Variants in PXDNL observed in about 807,000 individuals in gnomAD.
PXDNL encodes peroxidasin like.
In PXDNL, 145 loss-of-function variants were observed where a neutral mutation model predicts 150.8. The observed-to-expected ratio is 0.96, with a 90% CI of 0.84 to 1.10. The LOEUF (loss-of-function observed/expected upper bound fraction) is 1.10, where lower values mean the gene tolerates loss of function less well. Among genes scored for constraint, PXDNL ranks in the 50% least tolerant of loss-of-function variants. The pLI, the probability that PXDNL is intolerant of heterozygous loss-of-function variation, is 0.00. For missense variants in PXDNL, 2,087 were observed against 1,873.9 expected (o/e 1.11, Z -2.10); for synonymous variants, 757 against 725.7 (o/e 1.04, Z -0.69).
intron 1 of PXDNL, among the ~76,000 whole-genome samples, chr8:51,675,279 G>C (rs1815589903): frequency 6.6e-6 from 1 of 152,182 alleles, no homozygotes; most frequent in Non-Finnish European, 1.5e-5. Context: ...CTCTTTTGTG[G>C]ATGAGATTAA....
intron 14 of PXDNL, among the ~76,000 whole-genome samples, chr8:51,416,556 G>A (rs1226031188): frequency 1.1e-4 from 17 of 152,294 alleles, no homozygotes; most frequent in Middle Eastern, 3.4e-3. Context: ...GCAAAGATAC[G>A]CAAAATTCTT....
At chr8:51,563,272 ACT>A (rs897715672) in intron 3 of PXDNL, among the ~76,000 whole-genome samples, 6 of 152,118 alleles carry the variant, frequency 3.9e-5, no homozygotes, top group Non-Finnish European at 8.8e-5. Flanking sequence ...AAGGTCTGGC[ACT>A]GTTTGGTTTC....
intron 4 of PXDNL, among the ~76,000 whole-genome samples, chr8:51,502,446 A>G (rs1325078245): frequency 6.6e-6 from 1 of 152,032 alleles, no homozygotes; most frequent in Non-Finnish European, 1.5e-5. Context: ...AGCAAAACCC[A>G]TGCTCTCTAC....
chr8:51,455,521 GA>G (rs901841066), intron 9 of PXDNL, among the ~76,000 whole-genome samples: 3 of 152,124 alleles, frequency 2.0e-5, no homozygotes, highest in African/African-American at 7.2e-5. Flanking sequence ...GATGGAAGAG[GA>G]AAAAAATGTG....
At chr8:51,448,497 G>A (rs1305024494) in intron 11 of PXDNL, among the ~76,000 whole-genome samples, 2 of 152,192 alleles carry the variant, frequency 1.3e-5, no homozygotes, top group African/African-American at 2.4e-5. Flanking sequence ...GAGATCAGCA[G>A]ATTGAGACCA....
At chr8:51,484,527 A>C (rs1438542002) in intron 5 of PXDNL, among the ~76,000 whole-genome samples, 1 of 151,916 alleles carries the variant, frequency 6.6e-6, no homozygotes, top group African/African-American at 2.4e-5. Flanking sequence ...GTGGGATCAC[A>C]TGGAGATGTG....
intron 1 of PXDNL, among the ~76,000 whole-genome samples, chr8:51,788,106 T>C (rs1207062382): frequency 1.3e-5 from 2 of 152,256 alleles, no homozygotes; most frequent in Non-Finnish European, 1.5e-5. Context: ...CAATATAGTG[T>C]AAACATAACT....
chr8:51,625,351 T>G (rs572913558), intron 2 of PXDNL, among the ~76,000 whole-genome samples: 214 of 152,320 alleles, frequency 1.4e-3, no homozygotes, highest in African/African-American at 5.0e-3. Context: ...CCCTGTGACT[T>G]CTAAACATCA....
chr8:51,723,759 A>G (rs943878722), intron 1 of PXDNL, among the ~76,000 whole-genome samples: 2 of 151,332 alleles, frequency 1.3e-5, no homozygotes, highest in Non-Finnish European at 3.0e-5. Flanking sequence ...TCCTAAGGGC[A>G]GTCGACAGCC....
intron 1 of PXDNL, among the ~76,000 whole-genome samples, chr8:51,676,475 C>T (rs1452377246): frequency 1.3e-5 from 2 of 151,938 alleles, no homozygotes; most frequent in East Asian, 3.9e-4. Flanking sequence ...TGGGGTTTCA[C>T]CATGTTGGCC....
chr8:51,763,088 A>T (rs2037182016), intron 1 of PXDNL, among the ~76,000 whole-genome samples: 1 of 152,154 alleles, frequency 6.6e-6, no homozygotes, highest in Non-Finnish European at 1.5e-5. Flanking sequence ...ATTAGCAGTA[A>T]TTCCCCCATT....
intron 1 of PXDNL, among the ~76,000 whole-genome samples, chr8:51,744,081 GGAAGGAAGGAAGGAAAGAAAGAAA>G (rs1311615870): frequency 4.6e-4 from 21 of 45,686 alleles, no homozygotes; most frequent in African/African-American, 1.4e-3. Flanking sequence ...AAGGAAGGAA[GGAAGGAAGGAAGGAAAGAAAGAAA>G]GAAAGAAAGA....
At chr8:51,446,750 A>C (rs933622733) in intron 12 of PXDNL, among the ~76,000 whole-genome samples, 4 of 152,186 alleles carry the variant, frequency 2.6e-5, no homozygotes, top group Admixed American at 6.5e-5. Flanking sequence ...AATTGTAAAA[A>C]ATTTTGTAAG....
At chr8:51,594,341 G>T (rs1401547897) in intron 2 of PXDNL, among the ~76,000 whole-genome samples, 2 of 152,140 alleles carry the variant, frequency 1.3e-5, no homozygotes, top group Non-Finnish European at 2.9e-5. Flanking sequence ...TCCAACGGTG[G>T]TGCCTAGGAG....
chr8:51,703,770 G>T (rs534216852), intron 1 of PXDNL, among the ~76,000 whole-genome samples: 1 of 152,134 alleles, frequency 6.6e-6, no homozygotes, highest in African/African-American at 2.4e-5. Flanking sequence ...TAAAGAATAA[G>T]CAATTTAAAT....
At chr8:51,604,835 C>G (rs1295047851) in intron 2 of PXDNL, among the ~76,000 whole-genome samples, 2 of 152,148 alleles carry the variant, frequency 1.3e-5, no homozygotes, top group African/African-American at 4.8e-5. Context: ...TTCTGACACA[C>G]AGAGCAAATA....
chr8:51,722,626 TC>T (rs1484864952), intron 1 of PXDNL, among the ~76,000 whole-genome samples: 2 of 152,048 alleles, frequency 1.3e-5, no homozygotes, highest in Non-Finnish European at 2.9e-5. Flanking sequence ...AAGACGATCT[TC>T]CCCTGGGGTT....
chr8:51,367,378 T>A (rs1441790699), intron 19 of PXDNL, among the ~76,000 whole-genome samples: 1 of 152,074 alleles, frequency 6.6e-6, no homozygotes, highest in African/African-American at 2.4e-5. Context: ...GAACTTGAGA[T>A]AATTAAGTTT....
intron 4 of PXDNL, among the ~76,000 whole-genome samples, chr8:51,506,662 C>T (rs1026284249): frequency 6.6e-6 from 1 of 151,678 alleles, no homozygotes; most frequent in African/African-American, 2.4e-5. Context: ...TCAATCTCTA[C>T]CTCTTTTTGC....
Sources: gnomAD v4.1 joint callset for allele counts (sites outside exome capture counted in the v4.1 genomes callset) on GRCh38, gnomAD v4.1.1 for gene constraint, MANE v1.5 for transcripts, NCBI Gene and HGNC (gene_info 2026-07-23, HGNC 2026-07-21) for gene names.